TNRC6C: variants seen among roughly 807,000 people sequenced by gnomAD.
TNRC6C encodes the protein trinucleotide repeat-containing gene 6C protein.
Under a neutral mutation model 153.7 loss-of-function variants are expected in TNRC6C, and 20 were observed. That is an observed-to-expected ratio of 0.13 (90% CI 0.09 to 0.19). The LOEUF (loss-of-function observed/expected upper bound fraction) is 0.19, where lower values mean the gene tolerates loss of function less well. Ranked by LOEUF, TNRC6C falls within the 10% of genes least tolerant of loss-of-function variation. The pLI, the probability that TNRC6C is intolerant of heterozygous loss-of-function variation, is 1.00. For missense variants in TNRC6C, 1,987 were observed against 2,172.0 expected (o/e 0.91, Z 1.69); for synonymous variants, 811 against 841.4 (o/e 0.96, Z 0.63).
At chr17:78,050,577 A>G (rs1323138104) in exon 3 of TNRC6C, 4 of 1,604,280 alleles carry the variant, frequency 2.5e-6, no homozygotes, top group African/African-American at 1.3e-5. Flanking sequence ...ATACCTCTTC[A>G]GTATCTGGGT....
At chr17:78,082,980 AACT>A in intron 10 of TNRC6C, 64 bp from the exon 13 acceptor site, 1 of 1,567,068 alleles carries the variant, frequency 6.4e-7, no homozygotes, top group Admixed American at 1.8e-5. Flanking sequence ...AATTTTGAAA[AACT>A]ACAGGTACAA....
intron 1 of TNRC6C, among the ~76,000 whole-genome samples, chr17:78,012,786 G>A (rs2071659629): frequency 6.6e-6 from 1 of 152,220 alleles, no homozygotes; most frequent in Non-Finnish European, 1.5e-5. Flanking sequence ...GGCCAGTGCA[G>A]TGAGGACCCA....
At chr17:78,105,517 A>G (rs891779529) in exon 20 of TNRC6C, 1 of 152,262 alleles carries the variant, frequency 6.6e-6, no homozygotes, top group Non-Finnish European at 1.5e-5. Flanking sequence ...CAATAGTGAA[A>G]TGTGAACACT....
At chr17:78,108,793 T>A (rs1446945354) in exon 20 of TNRC6C, 1 of 152,298 alleles carries the variant, frequency 6.6e-6, no homozygotes, top group Non-Finnish European at 1.5e-5. Context: ...TATATTTTTT[T>A]AAGTTTATTA....
intron 2 of TNRC6C, among the ~76,000 whole-genome samples, chr17:78,039,309 G>GCCCCCCCCCCCCCCCCCCCC (rs11306576): frequency 1.8e-5 from 2 of 113,464 alleles, no homozygotes; most frequent in African/African-American, 7.1e-5. Flanking sequence ...TTCAAATCTT[G>GCCCCCCCCCCCCCCCCCCCC]CCCCCCCCCC....
At chr17:77,977,507 T>C (rs1333683005) in intron 1 of TNRC6C, among the ~76,000 whole-genome samples, 2 of 152,202 alleles carry the variant, frequency 1.3e-5, no homozygotes, top group Non-Finnish European at 2.9e-5. Context: ...AAAAGACAAC[T>C]TTTTAGTTCA....
At chr17:78,055,066 A>G (rs1043144739) in intron 3 of TNRC6C, among the ~76,000 whole-genome samples, 1 of 152,228 alleles carries the variant, frequency 6.6e-6, no homozygotes, top group Non-Finnish European at 1.5e-5. Flanking sequence ...GCACCACTGT[A>G]GACTGCTGTA....
intron 1 of TNRC6C, among the ~76,000 whole-genome samples, chr17:77,986,199 C>G (rs971749514): frequency 6.6e-6 from 1 of 152,126 alleles, no homozygotes; most frequent in Admixed American, 6.6e-5. Flanking sequence ...GCGGATCACC[C>G]GAGGTCGGGA....
At chr17:78,085,321 C>A (rs1161284611) in intron 11 of TNRC6C, among the ~76,000 whole-genome samples, 2 of 152,112 alleles carry the variant, frequency 1.3e-5, no homozygotes, top group Admixed American at 6.5e-5. Flanking sequence ...GTATTCTGTT[C>A]TTAAATTTTT....
At chr17:78,032,453 A>T (rs534495618) in intron 2 of TNRC6C, among the ~76,000 whole-genome samples, 1 of 152,094 alleles carries the variant, frequency 6.6e-6, no homozygotes, top group African/African-American at 2.4e-5. Context: ...TTCTTTTCCA[A>T]TCTCCTTGAC....
chr17:78,050,558 A>G lies in TNRC6C; in HGVS notation c.1496A>G (p.Asn499Ser), dbSNP rs764555016. Reference sequence around the variant, plus strand: ...GGGAAGAACGATGGGTCCATCATGAACAGTACAAATACCTCTTCAGTATCT... The same window carrying G: ...GGGAAGAACGATGGGTCCATCATGAGCAGTACAAATACCTCTTCAGTATCT... Residue 499 changes from asparagine (N) to serine (S), a missense_variant, in exon 3 of 20, where the codon AAC (asparagine) becomes AGC (serine). Coordinates refer to ENST00000301624, the Ensembl canonical transcript of TNRC6C. 7 of 1,612,948 alleles carry G rather than the reference A, an allele frequency of 4.3e-6. No homozygotes were observed. The African/African-American group carries it at 9.3e-5, about 22-fold the overall frequency.
chr17:78,027,903 GTT>G (rs550690147), intron 1 of TNRC6C, among the ~76,000 whole-genome samples: 4,870 of 136,448 alleles, frequency 0.036, 160 homozygotes, highest in African/African-American at 0.098. Flanking sequence ...AAACTTGGAG[GTT>G]TTTTTTTTTT....
chr17:77,973,877 G>A (rs1313006303), intron 1 of TNRC6C, among the ~76,000 whole-genome samples: 1 of 152,132 alleles, frequency 6.6e-6, no homozygotes, highest in African/African-American at 2.4e-5. Flanking sequence ...TGATGGATGG[G>A]AAAACACAAT....
intron 13 of TNRC6C, among the ~76,000 whole-genome samples, chr17:78,088,446 C>A (rs1157831672): frequency 6.6e-6 from 1 of 151,840 alleles, no homozygotes; most frequent in Non-Finnish European, 1.5e-5. Context: ...GTTGCCCAGG[C>A]AAGTCTCAAA....
intron 8 of TNRC6C, among the ~76,000 whole-genome samples, chr17:78,076,779 G>C (rs527246720): frequency 3.3e-5 from 5 of 152,294 alleles, no homozygotes; most frequent in African/African-American, 1.2e-4. Flanking sequence ...TGAAACTGCT[G>C]TGTTTGTAGG....
chr17:78,106,285 AC>A (rs1353340459), exon 20 of TNRC6C: 1 of 151,886 alleles, frequency 6.6e-6, no homozygotes, highest in African/African-American at 2.4e-5. Context: ...TCGTAAAGAA[AC>A]CTATTTTCAG....
chr17:78,024,145 G>A (rs2071889698), intron 1 of TNRC6C, among the ~76,000 whole-genome samples: 1 of 152,084 alleles, frequency 6.6e-6, no homozygotes, highest in South Asian at 2.1e-4. Flanking sequence ...ATACATTAAA[G>A]TGTGTGAAAA....
rs896991431 is a variant in TNRC6C at position 78,079,992 on chromosome 17, T to C, written c.3357+451T>C. ...CCCTTAGAAGCAGCCAAGGACTGAA[T>C]CATGCTTTAATGAGAAACTAAATGT... is the stretch of plus-strand genomic sequence containing the variant. On this transcript the variant is annotated intron_variant, in intron 10 of 19. Transcript: ENST00000301624. This position sits in a 1 kb window ranked among gnomAD's most constrained non-coding sequence, Gnocchi z 4.3. 6.6e-6 allele frequency among the ~76,000 whole-genome samples: 1 copy of C among 152,234 alleles called. No individual in the cohort carries two copies. The highest frequency in any genetic ancestry group is 1.5e-5 in the Non-Finnish European group (1 of 68,040).
chr17:78,029,413 A>G (rs564509976), intron 1 of TNRC6C, among the ~76,000 whole-genome samples: 2 of 152,360 alleles, frequency 1.3e-5, no homozygotes, highest in African/African-American at 2.4e-5. Flanking sequence ...TTGCAACACA[A>G]TGGTAAGTAT....
Sources: allele counts gnomAD v4.1 joint callset (sites outside exome capture counted in the v4.1 genomes callset), GRCh38; gene constraint gnomAD v4.1.1; non-coding constraint Gnocchi (gnomAD v3.1); transcripts MANE v1.5; gene names NCBI Gene and HGNC (gene_info 2026-07-23, HGNC 2026-07-21).